Variants in TNRC6B observed in about 807,000 individuals in gnomAD.
TNRC6B encodes the protein trinucleotide repeat containing adaptor 6B.
Under a neutral mutation model 203.6 loss-of-function variants are expected in TNRC6B, and 52 were observed. That is an observed-to-expected ratio of 0.26 (90% CI 0.20 to 0.32). The LOEUF is 0.32. Ranked by LOEUF, TNRC6B falls within the 10% of genes least tolerant of loss-of-function variation. The probability of loss-of-function intolerance (pLI) is 1.00; values close to 1 mark genes in which losing one functional copy is unlikely to be tolerated. For synonymous variants in TNRC6B, 838 were observed against 845.7 expected, an observed-to-expected ratio of 0.99 and a Z score of 0.16; for missense variants, 1,923 against 2,286.2, an observed-to-expected ratio of 0.84 and a Z score of 3.24.
At chr22:40,140,238 C>A (rs1008109841) in intron 3 of TNRC6B, among the ~76,000 whole-genome samples, 18 of 152,084 alleles carry the variant, frequency 1.2e-4, no homozygotes, top group East Asian at 1.2e-3. Context: ...AAAAAAAAAA[C>A]CACTTCTTGC....
At chr22:40,067,359 C>G (rs1213923376) in intron 1 of TNRC6B, among the ~76,000 whole-genome samples, 1 of 152,002 alleles carries the variant, frequency 6.6e-6, no homozygotes, top group African/African-American at 2.4e-5. Flanking sequence ...TGTGAATGCC[C>G]TAGTTCAAAG....
intron 1 of TNRC6B, chr22:40,045,574 G>A (rs1299540408): frequency 1.3e-5 from 2 of 152,276 alleles, no homozygotes; most frequent in Non-Finnish European, 2.9e-5. Flanking sequence ...CTGTGTGCAG[G>A]ACCTGCGTGA....
chr22:40,045,206 G>C (rs1483705840), intron 1 of TNRC6B, among the ~76,000 whole-genome samples: 1 of 145,068 alleles, frequency 6.9e-6, no homozygotes, highest in Non-Finnish European at 1.5e-5. Flanking sequence ...GCGCGCGCGG[G>C]GCTGGTGCGG....
At chr22:40,079,846 C>A (rs113109149) in intron 1 of TNRC6B, among the ~76,000 whole-genome samples, 6,666 of 151,912 alleles carry the variant, frequency 0.044, 429 homozygotes, top group African/African-American at 0.14. Flanking sequence ...CCTAGGCTGG[C>A]GTGCAGTGGC....
At position 40,227,075 on chromosome 22, in the gene TNRC6B, AATTATTATTATTATT is replaced by A. The variant is rs66592054; in HGVS notation, c.6-18912_6-18898del. On this transcript the variant is annotated intron_variant, in intron 1 of 22. Coordinates refer to ENST00000454349, the MANE Select transcript of TNRC6B (RefSeq NM_001162501.2). ...CAGGCATGTGTCGCCACACCCAGCTAATTATTATTATTATTATTATTATTATTATTATTATTATTA... is the reference window on the plus strand; with the variant it reads ...CAGGCATGTGTCGCCACACCCAGCTAATTATTATTATTATTATTATTATTA... Among the ~76,000 whole-genome samples the A allele has an allele frequency of 6.3e-3, 862 of 137,066 alleles. 4 individuals are homozygous for A. Among genetic ancestry groups the A allele is most frequent in the African/African-American group, 9.3e-3 (348 of 37,380 alleles). 89.9% of individuals were successfully genotyped at this position (137,066 alleles called of 152,430 possible).
intron 1 of TNRC6B, among the ~76,000 whole-genome samples, chr22:40,228,362 G>A (rs985376525): frequency 5.9e-5 from 9 of 151,288 alleles, no homozygotes; most frequent in Admixed American, 2.6e-4. Flanking sequence ...CCCGGGAGGC[G>A]GAGGTTGCAG....
At chr22:40,305,754 G>A (rs1215518601) in intron 15 of TNRC6B, among the ~76,000 whole-genome samples, 5 of 152,148 alleles carry the variant, frequency 3.3e-5, no homozygotes, top group East Asian at 3.9e-4. Context: ...CTGCCCTACT[G>A]TGGTGGCATT....
At chr22:40,262,201 G>A in intron 4 of TNRC6B, 28 bp downstream of exon 4, 1 of 1,352,710 alleles carries the variant, frequency 7.4e-7, no homozygotes, top group Non-Finnish European at 9.6e-7. Context: ...TCGAATGCAT[G>A]GCAGCTTGAC....
intron 4 of TNRC6B, among the ~76,000 whole-genome samples, chr22:40,170,532 G>T (rs1209092258): frequency 6.8e-5 from 5 of 73,072 alleles, no homozygotes; most frequent in East Asian, 3.6e-4. Flanking sequence ...TATATATATA[G>T]TTTATATATA....
At chr22:40,163,634 G>GGGCT (rs2068891886) in intron 4 of TNRC6B, among the ~76,000 whole-genome samples, 1 of 151,570 alleles carries the variant, frequency 6.6e-6, no homozygotes. Context: ...GGTGGCGCAT[G>GGGCT]CCTGTAATCT....
chr22:40,079,294 C>A (rs373610904), intron 1 of TNRC6B, among the ~76,000 whole-genome samples: 1 of 152,020 alleles, frequency 6.6e-6, no homozygotes, highest in Non-Finnish European at 1.5e-5. Context: ...TTCTGGTGGG[C>A]GAGTGGGTGT....
chr22:40,063,970 T>C (rs946274454), intron 1 of TNRC6B, among the ~76,000 whole-genome samples: 1 of 152,238 alleles, frequency 6.6e-6, no homozygotes, highest in African/African-American at 2.4e-5. Flanking sequence ...CCCAAAGTGC[T>C]GTGATTACAG....
chr22:40,056,977 A>G lies in TNRC6B; in HGVS notation c.-121+11979A>G, dbSNP rs1014945795. On this transcript the variant is annotated intron_variant, in intron 1 of 23. Transcript: ENST00000301923. ...ACTATATTCATTGGAAGTTCCTTGT[A>G]GTATCTCAACAGAGTAAGAAGTCGT... Among the ~76,000 whole-genome samples the G allele has an allele frequency of 2.6e-5, 4 of 152,272 alleles. No individual in the cohort carries two copies. In the East Asian group the frequency reaches 7.7e-4, roughly 29 times the overall value.
chr22:40,098,840 G>A (rs1281443280), intron 1 of TNRC6B, among the ~76,000 whole-genome samples: 1 of 152,052 alleles, frequency 6.6e-6, no homozygotes, highest in Non-Finnish European at 1.5e-5. Flanking sequence ...TGATCCTCCT[G>A]CCTCAGCCTC....
chr22:40,276,911 G>T (rs2070652568), intron 7 of TNRC6B, 166 bp from the exon 8 acceptor site: 2 of 449,778 alleles, frequency 4.4e-6, no homozygotes, highest in Non-Finnish European at 7.7e-6. Context: ...TATAACTAGG[G>T]CTTATTAATC....
At chr22:40,227,921 A>G (rs888167131) in intron 1 of TNRC6B, among the ~76,000 whole-genome samples, 1 of 152,206 alleles carries the variant, frequency 6.6e-6, no homozygotes, top group Non-Finnish European at 1.5e-5. Flanking sequence ...TCTGGTTGAT[A>G]AACTTATTTT....
At chr22:40,234,584 A>G (rs2069922845) in intron 1 of TNRC6B, among the ~76,000 whole-genome samples, 1 of 152,248 alleles carries the variant, frequency 6.6e-6, no homozygotes, top group African/African-American at 2.4e-5. Context: ...AGCCTCAGAA[A>G]GGAAGGTAAC....
At chr22:40,151,338 C>A (rs985489979) in intron 3 of TNRC6B, among the ~76,000 whole-genome samples, 3 of 151,474 alleles carry the variant, frequency 2.0e-5, no homozygotes, top group African/African-American at 7.3e-5. Flanking sequence ...CTGAGGCGGG[C>A]AGATCACTTG....
rs560727709 is a variant in TNRC6B, at chr22:40,129,952, C to A, written c.45+4090C>A. 2.6e-3 allele frequency among the ~76,000 whole-genome samples: 402 copies of A among 152,186 alleles called. 2 individuals carry two copies. Among genetic ancestry groups the A allele is most frequent in the African/African-American group, 8.8e-3 (365 of 41,514 alleles). Reference sequence around the variant, plus strand: ...AGAACTTACTGGTGTTCAAGGGTGCCATTTAATTGGAGTAGGAGGTGCAGA... The same window carrying A: ...AGAACTTACTGGTGTTCAAGGGTGCAATTTAATTGGAGTAGGAGGTGCAGA... On this transcript the variant is annotated intron_variant, in intron 3 of 23. Coordinates refer to the TNRC6B transcript ENST00000301923.
Sources: gnomAD v4.1 joint callset for allele counts (sites outside exome capture counted in the v4.1 genomes callset) on GRCh38, gnomAD v4.1.1 for gene constraint, MANE v1.5 for transcripts, NCBI Gene and HGNC (gene_info 2026-07-23, HGNC 2026-07-21) for gene names.